BTBD16: variants seen among roughly 807,000 people sequenced by gnomAD.
The protein encoded by BTBD16 is BTB/POZ domain-containing protein 16.
BTBD16 carries 66 observed loss-of-function variants against 67.4 expected under a neutral mutation model. That is an observed-to-expected ratio of 0.98 (90% CI 0.80 to 1.20). The LOEUF (loss-of-function observed/expected upper bound fraction) is 1.20. Among genes scored for constraint, BTBD16 ranks in the 50% most tolerant of loss-of-function variants. The pLI, the probability that BTBD16 is intolerant of heterozygous loss-of-function variation, is 0.00. For synonymous variants in BTBD16, 242 were observed against 236.4 expected (o/e 1.02, Z -0.22); for missense variants, 634 against 616.0 (o/e 1.03, Z -0.31).
At position 122,286,115 on chromosome 10, in the gene BTBD16, C is replaced by G; in HGVS notation, c.252C>G (p.Leu84=). Residue 84 remains leucine, a synonymous_variant, in exon 5 of 16, where the codon CTC becomes CTG. Coordinates refer to ENST00000260723, the MANE Select transcript of BTBD16 (RefSeq NM_144587.5). ...DIQSGEADVI[L]ECLGFKWELH... ...ATTTTCTGTCCTCAGATGTGATTCT[C>G]GAGTGCCTGGGCTTCAAATGGGAGC... 6.2e-7 allele frequency: 1 copy of G among 1,613,346 alleles called. No individual in the cohort carries two copies. Among genetic ancestry groups the G allele is most frequent in the East Asian group, 2.2e-5 (1 of 44,860 alleles).
intron 9 of BTBD16, among the ~76,000 whole-genome samples, chr10:122,303,276 T>C (rs900957389): frequency 6.6e-6 from 1 of 152,228 alleles, no homozygotes; most frequent in African/African-American, 2.4e-5. Context: ...TGTGCAGATT[T>C]AATCTATGTA....
At chr10:122,294,239 T>G in intron 7 of BTBD16, 4 of 984,746 alleles carry the variant, frequency 4.1e-6, no homozygotes, top group Non-Finnish European at 4.8e-6. Flanking sequence ...TGTGTGTTTG[T>G]GTGTCTGTGT....
intron 13 of BTBD16, among the ~76,000 whole-genome samples, chr10:122,334,321 G>A (rs1420493186): frequency 3.3e-5 from 5 of 149,940 alleles, no homozygotes; most frequent in Non-Finnish European, 5.9e-5. Flanking sequence ...TCAGCCTCCT[G>A]AGTAGCTGGG....
At chr10:122,294,031 A>G in intron 7 of BTBD16, 1 of 735,932 alleles carries the variant, frequency 1.4e-6, no homozygotes, top group Non-Finnish European at 1.7e-6. Flanking sequence ...CTAATGAGCC[A>G]AACCTTTCAT....
At chr10:122,328,431 C>T (rs2096449134) in intron 10 of BTBD16, among the ~76,000 whole-genome samples, 1 of 152,168 alleles carries the variant, frequency 6.6e-6, no homozygotes, top group Non-Finnish European at 1.5e-5. Context: ...CTTTTCTGCA[C>T]CTCTAGGCCT....
intron 9 of BTBD16, among the ~76,000 whole-genome samples, chr10:122,305,634 A>T (rs796148318): frequency 6.6e-6 from 1 of 152,092 alleles, no homozygotes; most frequent in South Asian, 2.1e-4. Flanking sequence ...AGTCAAGTAA[A>T]CCTCTTTTCT....
intron 10 of BTBD16, among the ~76,000 whole-genome samples, chr10:122,311,830 C>T (rs10887122): frequency 0.042 from 6,327 of 152,268 alleles, 373 homozygotes; most frequent in East Asian, 0.23. Context: ...AGTATCCTGA[C>T]CTCTTTTACT....
chr10:122,291,894 G>T (rs1035726979), intron 7 of BTBD16, among the ~76,000 whole-genome samples: 1 of 152,284 alleles, frequency 6.6e-6, no homozygotes, highest in Middle Eastern at 3.4e-3. Flanking sequence ...GTGGGGAGGA[G>T]GTGGTGGGGA....
intron 9 of BTBD16, among the ~76,000 whole-genome samples, chr10:122,306,775 A>C (rs2096404437): frequency 6.6e-6 from 1 of 152,212 alleles, no homozygotes; most frequent in African/African-American, 2.4e-5. Context: ...AAAACACTAA[A>C]ATTTTAAATA....
At chr10:122,278,700 T>C (rs2096346125) in intron 3 of BTBD16, among the ~76,000 whole-genome samples, 2 of 152,206 alleles carry the variant, frequency 1.3e-5, no homozygotes, top group African/African-American at 4.8e-5. Context: ...GGAGCCGGTC[T>C]TCTGGGGAGA....
At chr10:122,309,328 GTT>G (rs2096409261) in intron 10 of BTBD16, among the ~76,000 whole-genome samples, 1 of 150,248 alleles carries the variant, frequency 6.7e-6, no homozygotes, top group African/African-American at 2.5e-5. Flanking sequence ...TTTTTTGTTT[GTT>G]TGTTTTTTGG....
chr10:122,301,041 G>C (rs2096392827), intron 9 of BTBD16, among the ~76,000 whole-genome samples: 1 of 152,188 alleles, frequency 6.6e-6, no homozygotes, highest in Non-Finnish European at 1.5e-5. Flanking sequence ...GCCTCCAGGA[G>C]TCCCAGCCTC....
intron 9 of BTBD16, among the ~76,000 whole-genome samples, chr10:122,303,793 G>T (rs920808828): frequency 2.6e-5 from 4 of 152,122 alleles, no homozygotes; most frequent in Non-Finnish European, 4.4e-5. Flanking sequence ...AGTCCCTGTG[G>T]GTTCTGTCTT....
At chr10:122,312,598 G>A (rs1001424523) in intron 10 of BTBD16, among the ~76,000 whole-genome samples, 9 of 152,106 alleles carry the variant, frequency 5.9e-5, no homozygotes, top group African/African-American at 1.9e-4. Context: ...ATAGGTGTGA[G>A]CCACCGCTTC....
rs772612051 is a variant in BTBD16, at chr10:122,289,863, C to G, written c.386-46C>G. ...GTGGGTGCCTCCCACTGTGTCTTCA[C>G]CACGGTTATCACATCCTGCCATCAT... On this transcript the variant is annotated intron_variant, in intron 5 of 15. Transcript: ENST00000260723. The G allele has an allele frequency of 4.0e-6, 6 of 1,503,434 alleles. No individual in the cohort carries two copies. In the East Asian group the frequency reaches 9.0e-5, roughly 23 times the overall value. 93.1% of individuals were successfully genotyped at this position (1,503,434 alleles called of 1,614,324 possible).
At chr10:122,331,117 A>T (rs1228436620) in intron 11 of BTBD16, 59 bp from the exon 12 acceptor site, 2 of 1,570,956 alleles carry the variant, frequency 1.3e-6, no homozygotes, top group African/African-American at 2.8e-5. Context: ...TGTAAATGAG[A>T]CTTTTGAGGC....
chr10:122,298,935 C>T (rs1006184763), intron 8 of BTBD16, 69 bp from the exon 9 acceptor site: 17 of 1,586,664 alleles, frequency 1.1e-5, no homozygotes, highest in Middle Eastern at 1.7e-4. Context: ...CGTGTAGTGT[C>T]GTCTCAGGCC....
At chr10:122,284,312 A>T (rs2096359058) in intron 4 of BTBD16, among the ~76,000 whole-genome samples, 1 of 152,068 alleles carries the variant, frequency 6.6e-6, no homozygotes, top group East Asian at 1.9e-4. Context: ...AGCTAGTTGT[A>T]GTGGCATGCA....
Position 122,320,546 on chromosome 10 carries a change from C to G in BTBD16, c.912-8934C>G, listed in dbSNP as rs79739318. 5.6e-3 allele frequency among the ~76,000 whole-genome samples: 855 copies of G among 152,094 alleles called. 40 individuals carry two copies. In the East Asian group the frequency reaches 0.11, roughly 20 times the overall value. On this transcript the variant is annotated intron_variant, in intron 10 of 15. Transcript: ENST00000260723. ...CCTCTAATTATTGCTTTAGCTGCAT[C>G]TCAGAAATTTTGATATGTTGTGTTT...
Sources: allele counts gnomAD v4.1 joint callset (sites outside exome capture counted in the v4.1 genomes callset), GRCh38; gene constraint gnomAD v4.1.1; transcripts MANE v1.5; gene names NCBI Gene and HGNC (gene_info 2026-07-23, HGNC 2026-07-21).